FADS2: variants seen among roughly 807,000 people sequenced by gnomAD.
FADS2 encodes the protein fatty acid desaturase 2, also known as acyl-CoA 6-desaturase.
In FADS2, 18 loss-of-function variants were observed where a neutral mutation model predicts 61.2. The ratio of observed to expected loss-of-function variants is 0.29; its 90% CI spans 0.20 to 0.44. The LOEUF is 0.44. FADS2 is among the 20% of genes least tolerant of loss of function. The pLI, the probability that FADS2 is intolerant of heterozygous loss-of-function variation, is 1.00. For synonymous variants in FADS2, 203 were observed against 223.9 expected, an observed-to-expected ratio of 0.91 and a Z score of 0.83; for missense variants, 322 against 572.7, an observed-to-expected ratio of 0.56 and a Z score of 4.47.
Position 61,828,718 on chromosome 11 carries a change from A to AG in FADS2, c.207+123dup. ...TGGAGCTTGGGACGTCCTGTAGGGA[A>AG]GGAAAGTGCATCTATTGCACTCGTA... On this transcript the variant is annotated intron_variant, in intron 1 of 11. Coordinates refer to ENST00000278840, the MANE Select transcript of FADS2 (RefSeq NM_004265.4). The surrounding 1 kb of genome is among the most constrained non-coding windows in gnomAD (Gnocchi z 6.4). 2 of 825,592 alleles carry AG rather than the reference A, an allele frequency of 2.4e-6. No homozygotes were observed. The highest frequency in any genetic ancestry group is 3.8e-6 in the Non-Finnish European group (2 of 521,812). 51.1% of individuals were successfully genotyped at this position (825,592 alleles called of 1,614,324 possible).
At chr11:61,824,767 G>A (rs566738014), upstream of FADS2, among the ~76,000 whole-genome samples, 4 of 152,264 alleles carry the variant, frequency 2.6e-5, no homozygotes, top group South Asian at 8.3e-4. Flanking sequence ...GTTAGCATCT[G>A]ATGCAGAGCC....
At chr11:61,840,814 C>A in intron 4 of FADS2, 89 bp downstream of exon 4, 2 of 1,008,900 alleles carry the variant, frequency 2.0e-6, no homozygotes, top group South Asian at 1.4e-5. Context: ...TGCTCTGAGG[C>A]TACAGGGTGA....
Position 61,816,912 on chromosome 11 carries a change from C to A in FADS2, c.141+486C>A. On this transcript the variant is annotated intron_variant, in intron 1 of 11. Transcript: ENST00000257261. The surrounding 1 kb of genome is among the most constrained non-coding windows in gnomAD (Gnocchi z 7.0). ...CACCGCAGGGCAGACCGGCGGGCCT[C>A]GCAGCGCGCGTTCCCATTGGCCGAG... The A allele has an allele frequency of 7.1e-7, 1 of 1,405,032 alleles. No homozygotes were observed. Among genetic ancestry groups the A allele is most frequent in the Non-Finnish European group, 9.2e-7 (1 of 1,091,174 alleles). The allele number at this position is 1,405,032 out of a possible 1,614,324, so 87.0% of individuals were successfully genotyped here. A position where few individuals can be genotyped will look rare whatever the true frequency, so the allele number is the denominator to read the frequency against.
At chr11:61,864,063 T>C (rs773881462) in intron 10 of FADS2, 15 of 448,590 alleles carry the variant, frequency 3.3e-5, no homozygotes, top group Non-Finnish European at 5.2e-5. Flanking sequence ...TTTGTAGTTA[T>C]GGAGCCTGCA....
At chr11:61,842,089 T>C (rs2067222186) in intron 4 of FADS2, among the ~76,000 whole-genome samples, 1 of 152,146 alleles carries the variant, frequency 6.6e-6, no homozygotes, top group Non-Finnish European at 1.5e-5. Context: ...AAAAGCTGGG[T>C]CCTAAAGAAT....
chr11:61,820,254 C>A (rs1306132829), intron 1 of FADS2, among the ~76,000 whole-genome samples: 2 of 151,894 alleles, frequency 1.3e-5, no homozygotes, highest in African/African-American at 4.8e-5. Flanking sequence ...TGGGGTGTCT[C>A]CTCTTTGTAT....
chr11:61,821,864 C>T (rs970982561), intron 1 of FADS2, among the ~76,000 whole-genome samples: 1 of 152,172 alleles, frequency 6.6e-6, no homozygotes, highest in East Asian at 1.9e-4. Context: ...AGAGGCAGAG[C>T]GAGAGCTAGA....
At chr11:61,821,949 T>A (rs1056667275) in intron 1 of FADS2, among the ~76,000 whole-genome samples, 27 of 151,882 alleles carry the variant, frequency 1.8e-4, no homozygotes, top group African/African-American at 6.3e-4. Flanking sequence ...CATGGAGGAA[T>A]TCACGGGATT....
At chr11:61,824,567 G>A (rs932791686), upstream of FADS2, among the ~76,000 whole-genome samples, 9 of 151,862 alleles carry the variant, frequency 5.9e-5, no homozygotes, top group Non-Finnish European at 1.3e-4. Context: ...GAAACTGAAG[G>A]TCAGAGACAG....
At chr11:61,820,883 G>A (rs1204013561) in intron 1 of FADS2, among the ~76,000 whole-genome samples, 1 of 152,158 alleles carries the variant, frequency 6.6e-6, no homozygotes, top group African/African-American at 2.4e-5. Flanking sequence ...CTGGGTGACA[G>A]AGCCAGACTC....
At chr11:61,835,425 C>T (rs1342626824) in intron 1 of FADS2, among the ~76,000 whole-genome samples, 3 of 148,080 alleles carry the variant, frequency 2.0e-5, no homozygotes, top group East Asian at 2.0e-4. Context: ...GATGGAGTCT[C>T]GCTCTGTCGC....
chr11:61,839,984 C>T (rs561765096), intron 2 of FADS2, among the ~76,000 whole-genome samples: 8 of 152,342 alleles, frequency 5.3e-5, no homozygotes, highest in South Asian at 2.1e-4. Context: ...GGATAGACCA[C>T]GTGTTGCTGA....
chr11:61,833,342 G>T (rs1337479559), intron 1 of FADS2, among the ~76,000 whole-genome samples: 1 of 152,188 alleles, frequency 6.6e-6, no homozygotes. Flanking sequence ...ATCCTGGTCT[G>T]CCTTATACCT....
At chr11:61,848,870 G>A (rs1270427688) in intron 5 of FADS2, 5 of 153,516 alleles carry the variant, frequency 3.3e-5, no homozygotes, top group Non-Finnish European at 7.3e-5. Flanking sequence ...AGGTCAGCGA[G>A]AGGATGGAAC....
intron 1 of FADS2, among the ~76,000 whole-genome samples, chr11:61,834,133 G>A (rs2067151353): frequency 6.6e-6 from 1 of 152,230 alleles, no homozygotes; most frequent in African/African-American, 2.4e-5. Flanking sequence ...TCTTGGAGGT[G>A]ATGTTGAGGC....
intron 4 of FADS2, among the ~76,000 whole-genome samples, chr11:61,844,321 A>T (rs1485422553): frequency 6.6e-6 from 1 of 152,188 alleles, no homozygotes; most frequent in African/African-American, 2.4e-5. Flanking sequence ...CTGTAATCCC[A>T]GCACTTTGGG....
intron 10 of FADS2, among the ~76,000 whole-genome samples, chr11:61,864,528 G>T (rs1297769669): frequency 1.3e-5 from 2 of 152,150 alleles, no homozygotes; most frequent in Non-Finnish European, 2.9e-5. Flanking sequence ...CACGTAGCTG[G>T]GATTACAGGC....
chr11:61,865,373 C>T lies in FADS2; in HGVS notation c.1283+96C>T. On this transcript the variant is annotated intron_variant, in intron 11 of 11. Coordinates refer to ENST00000278840, the MANE Select transcript of FADS2 (RefSeq NM_004265.4). The surrounding 1 kb of genome is among the most constrained non-coding windows in gnomAD (Gnocchi z 4.1). The stretch of plus-strand genomic sequence containing the variant: ...GGGCTGGGCCCTCCTGGCACAGTCA[C>T]CCACCAGGGCACCTGCCTTACTCCC... 1.4e-6 allele frequency: 2 copies of T among 1,448,356 alleles called. No homozygotes were observed. Among genetic ancestry groups the T allele is most frequent in the South Asian group, 2.6e-5 (2 of 77,304 alleles). 89.7% of individuals were successfully genotyped at this position (1,448,356 alleles called of 1,614,324 possible).
chr11:61,822,860 G>A (rs1011590952), intron 1 of FADS2, among the ~76,000 whole-genome samples: 22 of 151,960 alleles, frequency 1.4e-4, no homozygotes, highest in Admixed American at 2.6e-4. Context: ...TAGAAGTTTC[G>A]CTTGTATAAA....
Sources: gnomAD v4.1 joint callset for allele counts (sites outside exome capture counted in the v4.1 genomes callset) on GRCh38, gnomAD v4.1.1 for gene constraint, Gnocchi (gnomAD v3.1) non-coding constraint, MANE v1.5 for transcripts, NCBI Gene and HGNC (gene_info 2026-07-23, HGNC 2026-07-21) for gene names.